The following CLSTN2 variants were observed in gnomAD, a reference collection of about 807,000 sequenced individuals.
The protein encoded by CLSTN2 is calsyntenin-2.
Under a neutral mutation model 101.2 loss-of-function variants are expected in CLSTN2, and 48 were observed. The ratio of observed to expected loss-of-function variants is 0.47; its 90% CI spans 0.38 to 0.60. CLSTN2 has a LOEUF of 0.60. CLSTN2 is among the 20% of genes least tolerant of loss of function. CLSTN2 has a pLI of 0.00. For missense variants in CLSTN2, 1,160 were observed against 1,238.2 expected, an observed-to-expected ratio of 0.94 and a Z score of 0.95; for synonymous variants, 481 against 463.6, an observed-to-expected ratio of 1.04 and a Z score of -0.48.
chr3:140,281,887 G>T (rs2086850638), intron 2 of CLSTN2, among the ~76,000 whole-genome samples: 1 of 152,132 alleles, frequency 6.6e-6, no homozygotes, highest in Non-Finnish European at 1.5e-5. Flanking sequence ...TGCTCTATCG[G>T]ATTAGTTAAC....
At chr3:140,038,961 G>A (rs891164719) in intron 1 of CLSTN2, among the ~76,000 whole-genome samples, 4 of 152,166 alleles carry the variant, frequency 2.6e-5, no homozygotes, top group Non-Finnish European at 5.9e-5. Flanking sequence ...ACACATCCCA[G>A]TGAGTTTACT....
chr3:140,230,292 A>G (rs776592791), intron 2 of CLSTN2, among the ~76,000 whole-genome samples: 16 of 152,210 alleles, frequency 1.1e-4, no homozygotes, highest in Non-Finnish European at 1.8e-4. Context: ...GGTCAAATGG[A>G]TAGCATCATA....
intron 8 of CLSTN2, among the ~76,000 whole-genome samples, chr3:140,488,925 A>G (rs977573352): frequency 6.6e-6 from 1 of 152,186 alleles, no homozygotes; most frequent in Non-Finnish European, 1.5e-5. Flanking sequence ...TGTGCAAATA[A>G]CAAAATCCAG....
At chr3:140,518,987 A>G (rs915266366) in intron 8 of CLSTN2, among the ~76,000 whole-genome samples, 2 of 150,206 alleles carry the variant, frequency 1.3e-5, no homozygotes, top group African/African-American at 5.1e-5. Context: ...TTCACTCTTA[A>G]CACTGCTTTA....
intron 1 of CLSTN2, among the ~76,000 whole-genome samples, chr3:140,136,348 C>A (rs973505427): frequency 3.3e-5 from 5 of 152,184 alleles, no homozygotes; most frequent in Non-Finnish European, 7.3e-5. Context: ...GTTACTTAAG[C>A]TTTCTGAACT....
chr3:140,182,266 TA>T (rs147474860), intron 2 of CLSTN2, among the ~76,000 whole-genome samples: 1 of 152,176 alleles, frequency 6.6e-6, no homozygotes, highest in Non-Finnish European at 1.5e-5. Context: ...CATTCTCTTT[TA>T]AAATAAATGC....
intron 1 of CLSTN2, among the ~76,000 whole-genome samples, chr3:140,025,880 T>C (rs2007410160): frequency 1.3e-5 from 2 of 152,150 alleles, no homozygotes; most frequent in Admixed American, 6.5e-5. Context: ...AATGAAATGA[T>C]GTGGGCACTG....
intron 1 of CLSTN2, among the ~76,000 whole-genome samples, chr3:140,089,118 G>A (rs1404781502): frequency 6.6e-6 from 1 of 152,136 alleles, no homozygotes; most frequent in African/African-American, 2.4e-5. Flanking sequence ...CTTAGAGGCT[G>A]CTCATGTAAC....
At chr3:140,216,284 C>T (rs1459044758) in intron 2 of CLSTN2, among the ~76,000 whole-genome samples, 3 of 151,760 alleles carry the variant, frequency 2.0e-5, no homozygotes, top group Non-Finnish European at 4.4e-5. Flanking sequence ...TTGGCGACCA[C>T]GAATTAGAGG....
intron 2 of CLSTN2, among the ~76,000 whole-genome samples, chr3:140,227,641 A>G (rs1350969438): frequency 6.6e-6 from 1 of 152,220 alleles, no homozygotes; most frequent in Non-Finnish European, 1.5e-5. Flanking sequence ...GCATTGCCCT[A>G]GCAAAGGTTC....
chr3:140,238,189 G>A (rs2086432602), intron 2 of CLSTN2, among the ~76,000 whole-genome samples: 1 of 152,072 alleles, frequency 6.6e-6, no homozygotes, highest in Non-Finnish European at 1.5e-5. Context: ...TGACCCTTTG[G>A]GGCCACAGGA....
chr3:140,561,746 G>C (rs1935919897), intron 12 of CLSTN2, among the ~76,000 whole-genome samples: 1 of 152,130 alleles, frequency 6.6e-6, no homozygotes, highest in Non-Finnish European at 1.5e-5. Flanking sequence ...CCAAATGAGA[G>C]CTATTGCTTA....
chr3:140,287,543 A>G (rs2086906750), intron 2 of CLSTN2, among the ~76,000 whole-genome samples: 1 of 152,174 alleles, frequency 6.6e-6, no homozygotes. Context: ...ATTATACCTC[A>G]CTAAAGTTGT....
intron 8 of CLSTN2, among the ~76,000 whole-genome samples, chr3:140,521,404 T>C (rs1323151456): frequency 1.3e-5 from 2 of 152,136 alleles, no homozygotes; most frequent in East Asian, 3.9e-4. Flanking sequence ...GGGGTTCTGC[T>C]CCAGACCCTA....
intron 5 of CLSTN2, among the ~76,000 whole-genome samples, chr3:140,438,991 GC>G (rs1361640152): frequency 6.6e-6 from 1 of 152,176 alleles, no homozygotes; most frequent in Non-Finnish European, 1.5e-5. Flanking sequence ...CTGACCCACG[GC>G]CCCCCAGACA....
intron 1 of CLSTN2, among the ~76,000 whole-genome samples, chr3:140,075,375 G>A (rs1364969376): frequency 1.3e-5 from 2 of 152,042 alleles, no homozygotes; most frequent in African/African-American, 2.4e-5. Flanking sequence ...CATAGAACTC[G>A]AAATAGTTTC....
intron 4 of CLSTN2, among the ~76,000 whole-genome samples, chr3:140,414,423 A>G (rs1396083626): frequency 2.0e-5 from 3 of 152,124 alleles, no homozygotes; most frequent in Admixed American, 2.0e-4. Flanking sequence ...TTCCATGTTT[A>G]TGGATTGGAA....
At chr3:140,207,174 T>C (rs1201130884) in intron 2 of CLSTN2, among the ~76,000 whole-genome samples, 1 of 152,186 alleles carries the variant, frequency 6.6e-6, no homozygotes, top group Non-Finnish European at 1.5e-5. Flanking sequence ...GCATTTTACC[T>C]AATAAGCTAA....
At chr3:140,526,518 C>T (rs1345609335) in intron 8 of CLSTN2, among the ~76,000 whole-genome samples, 3 of 151,568 alleles carry the variant, frequency 2.0e-5, no homozygotes, top group Non-Finnish European at 4.4e-5. Flanking sequence ...AAATGCTATC[C>T]CTATCAAAAT....
Sources: gnomAD v4.1 joint callset for allele counts (sites outside exome capture counted in the v4.1 genomes callset) on GRCh38, gnomAD v4.1.1 for gene constraint, MANE v1.5 for transcripts, NCBI Gene and HGNC (gene_info 2026-07-23, HGNC 2026-07-21) for gene names.